Variants in UMAD1 observed in about 807,000 individuals in gnomAD.
The protein encoded by UMAD1 is UBAP1-MVB12-associated (UMA) domain containing 1.
A neutral mutation model predicts 6.1 loss-of-function variants in UMAD1; 8 were observed. That is an observed-to-expected ratio of 1.30 (90% confidence interval 0.76 to 2.35). UMAD1 has a LOEUF of 2.35. UMAD1 is among the 30% of genes most tolerant of loss of function. The pLI is 0.00. For missense variants in UMAD1, 130 were observed against 78.4 expected, an observed-to-expected ratio of 1.66 and a Z score of -2.49; for synonymous variants, 56 against 31.4, an observed-to-expected ratio of 1.78 and a Z score of -2.61.
chr7:7,702,931 T>C (rs1410720314), intron 2 of UMAD1, among the ~76,000 whole-genome samples: 1 of 152,244 alleles, frequency 6.6e-6, no homozygotes, highest in Non-Finnish European at 1.5e-5. Context: ...AAATCATTTA[T>C]TTTTCACTTG....
At chr7:7,827,720 A>ATC (rs1421043397) in intron 3 of UMAD1, among the ~76,000 whole-genome samples, 1 of 152,162 alleles carries the variant, frequency 6.6e-6, no homozygotes, top group Non-Finnish European at 1.5e-5. Flanking sequence ...GGCAAAATGG[A>ATC]ACATTTTGTG....
chr7:7,697,779 A>T (rs1164003370), intron 2 of UMAD1, among the ~76,000 whole-genome samples: 1 of 152,158 alleles, frequency 6.6e-6, no homozygotes. Flanking sequence ...CCTTGTCATT[A>T]TGCCTCTTTT....
intron 3 of UMAD1, among the ~76,000 whole-genome samples, chr7:7,819,127 G>A (rs1783192553): frequency 6.6e-6 from 1 of 152,168 alleles, no homozygotes; most frequent in Admixed American, 6.5e-5. Context: ...TGGGATTACA[G>A]GCATGAACCA....
chr7:7,684,204 C>T (rs562458456), intron 2 of UMAD1, among the ~76,000 whole-genome samples: 1 of 151,500 alleles, frequency 6.6e-6, no homozygotes, highest in Non-Finnish European at 1.5e-5. Context: ...AGCACAGATG[C>T]AATTTTTTTT....
chr7:7,827,557 T>A (rs1028590509), intron 3 of UMAD1, among the ~76,000 whole-genome samples: 2 of 152,212 alleles, frequency 1.3e-5, no homozygotes, highest in African/African-American at 2.4e-5. Context: ...GCCAATATCA[T>A]ATACGTAAAG....
At chr7:7,713,092 A>C (rs1780808204) in intron 2 of UMAD1, among the ~76,000 whole-genome samples, 2 of 152,048 alleles carry the variant, frequency 1.3e-5, no homozygotes, top group South Asian at 4.1e-4. Context: ...TAATCCCAGC[A>C]CATTGGGAGG....
At chr7:7,736,018 G>C (rs1234637715) in intron 2 of UMAD1, 1 of 152,358 alleles carries the variant, frequency 6.6e-6, no homozygotes, top group Non-Finnish European at 1.5e-5. Context: ...CTTAGAAAGA[G>C]CTTTACCATT....
At chr7:7,794,339 ACT>A (rs1782627374) in intron 2 of UMAD1, among the ~76,000 whole-genome samples, 1 of 152,046 alleles carries the variant, frequency 6.6e-6, no homozygotes. Flanking sequence ...TGGAGACCAA[ACT>A]CTCATCTTTA....
At chr7:7,846,963 A>G (rs1365171106) in intron 3 of UMAD1, among the ~76,000 whole-genome samples, 1 of 141,478 alleles carries the variant, frequency 7.1e-6, no homozygotes, top group African/African-American at 2.7e-5. Context: ...GCTAGATGAC[A>G]CATTAGTGGG....
intron 2 of UMAD1, among the ~76,000 whole-genome samples, chr7:7,754,255 C>T (rs998745097): frequency 6.6e-6 from 1 of 151,978 alleles, no homozygotes; most frequent in African/African-American, 2.4e-5. Flanking sequence ...TCTCCACATC[C>T]TCTCTAGCAT....
At chr7:7,744,708 T>G (rs1022760145) in intron 2 of UMAD1, among the ~76,000 whole-genome samples, 3 of 152,172 alleles carry the variant, frequency 2.0e-5, no homozygotes, top group Non-Finnish European at 4.4e-5. Context: ...TATTGGCCAT[T>G]TATATCTTCA....
intron 1 of UMAD1, among the ~76,000 whole-genome samples, chr7:7,642,595 A>G (rs1464785121): frequency 1.3e-5 from 2 of 152,210 alleles, no homozygotes. Flanking sequence ...CAGGAAGATA[A>G]TTTAAAACAG....
intron 2 of UMAD1, among the ~76,000 whole-genome samples, chr7:7,708,452 T>C (rs1780659932): frequency 6.6e-6 from 1 of 152,202 alleles, no homozygotes; most frequent in African/African-American, 2.4e-5. Context: ...ATCACCCATG[T>C]ATTTATTAGA....
At chr7:7,741,580 ATAATAATAATAAT>A (rs1313729329) in intron 2 of UMAD1, among the ~76,000 whole-genome samples, 224 of 93,014 alleles carry the variant, frequency 2.4e-3, no homozygotes, top group African/African-American at 1.0e-2. Context: ...ACGTCTCAAA[ATAATAATAATAAT>A]AATAATAATA....
intron 3 of UMAD1, among the ~76,000 whole-genome samples, chr7:7,834,999 A>G (rs1783539062): frequency 6.6e-6 from 1 of 152,166 alleles, no homozygotes; most frequent in Admixed American, 6.5e-5. Flanking sequence ...TCTCTTGAGA[A>G]CTCACTATCA....
intron 3 of UMAD1, among the ~76,000 whole-genome samples, chr7:7,829,145 C>T (rs1239135649): frequency 2.6e-5 from 4 of 152,062 alleles, no homozygotes; most frequent in Admixed American, 2.0e-4. Context: ...AAGGACTTGG[C>T]CTTGTATAGG....
intron 1 of UMAD1, among the ~76,000 whole-genome samples, chr7:7,646,100 C>A (rs1234326682): frequency 6.6e-6 from 1 of 152,168 alleles, no homozygotes; most frequent in Admixed American, 6.5e-5. Flanking sequence ...GCTCTTTTAG[C>A]CCTGCCGTCT....
intron 3 of UMAD1, among the ~76,000 whole-genome samples, chr7:7,839,550 G>C (rs1783636688): frequency 6.6e-6 from 1 of 152,138 alleles, no homozygotes; most frequent in African/African-American, 2.4e-5. Context: ...TAGAACAGTA[G>C]GTTGGAGGGA....
chr7:7,801,064 T>C (rs545740653), intron 2 of UMAD1, among the ~76,000 whole-genome samples: 16 of 152,378 alleles, frequency 1.1e-4, no homozygotes, highest in African/African-American at 3.8e-4. Context: ...GTGTCTATCC[T>C]GTGTCCTTCA....
Sources: allele counts gnomAD v4.1 joint callset (sites outside exome capture counted in the v4.1 genomes callset), GRCh38; gene constraint gnomAD v4.1.1; transcripts MANE v1.5; gene names NCBI Gene and HGNC (gene_info 2026-07-23, HGNC 2026-07-21).